Variants in VAC14 observed in about 807,000 individuals in gnomAD.
The protein encoded by VAC14 is VAC14 component of PIKFYVE complex, also known as protein VAC14 homolog.
A neutral mutation model predicts 85.3 loss-of-function variants in VAC14; 47 were observed. The ratio of observed to expected loss-of-function variants is 0.55; its 90% confidence interval spans 0.44 to 0.70. The LOEUF is 0.70. Among genes scored for constraint, VAC14 ranks in the 30% least tolerant of loss-of-function variants. The pLI, the probability that VAC14 is intolerant of heterozygous loss-of-function variation, is 0.00. For missense variants in VAC14, 861 were observed against 1,004.3 expected, an observed-to-expected ratio of 0.86 and a Z score of 1.93; for synonymous variants, 447 against 430.5, an observed-to-expected ratio of 1.04 and a Z score of -0.47.
At chr16:70,699,294 C>T (rs1225496524) in intron 14 of VAC14, 1 of 187,126 alleles carries the variant, frequency 5.3e-6, no homozygotes, top group Non-Finnish European at 1.1e-5. Context: ...TGGAAGCCCC[C>T]GAGGTCAGGG....
At chr16:70,713,046 C>A (rs984349666) in intron 14 of VAC14, among the ~76,000 whole-genome samples, 20 of 152,168 alleles carry the variant, frequency 1.3e-4, no homozygotes, top group African/African-American at 4.6e-4. Flanking sequence ...GTATTTTTAG[C>A]TACGGTGGCT....
rs1299201401 is a variant in VAC14, at chr16:70,762,537, T to C, written c.1371+3A>G. 3 of 1,613,934 alleles carry C rather than the reference T, an allele frequency of 1.9e-6. No individual in the cohort carries two copies. In the African/African-American group the frequency reaches 4.0e-5, roughly 22 times the overall value. ...ATAAGTACGGGTGGCGTTGGTGACC[T>C]ACCTCATCCGATTCATCCGATAACG... is the stretch of plus-strand genomic sequence containing the variant. On this transcript the variant is annotated splice_donor_region_variant and intron_variant, in intron 12 of 18. Coordinates refer to ENST00000261776, the MANE Select transcript of VAC14 (RefSeq NM_018052.5). The surrounding 1 kb of genome is among the most constrained non-coding windows in gnomAD (Gnocchi z 4.1).
chr16:70,729,553 GC>G (rs1198708665), intron 14 of VAC14, among the ~76,000 whole-genome samples: 2 of 152,062 alleles, frequency 1.3e-5, no homozygotes, highest in Non-Finnish European at 2.9e-5. Context: ...GCGGCTCGCA[GC>G]AGACCATCCC....
intron 5 of VAC14, among the ~76,000 whole-genome samples, 179 bp downstream of exon 5, chr16:70,783,934 G>A (rs2143264539): frequency 6.6e-6 from 1 of 152,320 alleles, no homozygotes; most frequent in African/African-American, 2.4e-5. Context: ...TCCCTTCAGG[G>A]CCAACATGGT....
chr16:70,765,095 C>A lies in VAC14; in HGVS notation c.1161-2070G>T, dbSNP rs571085930. Among the ~76,000 whole-genome samples, 8 of 152,278 alleles carry A rather than the reference C, an allele frequency of 5.3e-5. No individual in the cohort carries two copies. The East Asian group carries it at 1.5e-3, about 29-fold the overall frequency. ...AGCAGGTGAACAGAAGCCACCCCCA[C>A]CCCAACCTGGTCTTTCCTGACCCTG... On this transcript the variant is annotated intron_variant, in intron 10 of 18. Coordinates refer to ENST00000261776, the MANE Select transcript of VAC14 (RefSeq NM_018052.5).
At chr16:70,744,161 C>T (rs1160397337) in intron 13 of VAC14, among the ~76,000 whole-genome samples, 2 of 152,120 alleles carry the variant, frequency 1.3e-5, no homozygotes, top group African/African-American at 4.8e-5. Context: ...TTATGTTTAG[C>T]CAATGGCTCA....
At position 70,731,609 on chromosome 16, in the gene VAC14, C is replaced by T; in HGVS notation, c.1547G>A (p.Cys516Tyr). 1.2e-6 allele frequency: 2 copies of T among 1,614,038 alleles called. No homozygotes were observed. The highest frequency in any genetic ancestry group is 1.7e-6 in the Non-Finnish European group (2 of 1,180,008). The change falls in exon 14 of 19, where the codon TGT (cysteine) becomes TAT (tyrosine). Residue 516 changes from cysteine (C) to tyrosine (Y), a missense_variant. Around this residue, in one of 3 missense-constraint regions of VAC14, gnomAD observed 629 missense variants for 703.1 expected, o/e 0.89. Transcript: ENST00000261776. Reference protein sequence around the residue: ...LNTSGTKGLECSPSTPTMNSY... With the variant: ...LNTSGTKGLEYSPSTPTMNSY... ...ATTCATGGTGGGAGTTGAAGGAGAA[C>T]ATTCTAAGCCTTTGGTACCTGTAGA...
At chr16:70,704,917 C>G (rs936301) in intron 14 of VAC14, among the ~76,000 whole-genome samples, 84,657 of 152,082 alleles carry the variant, frequency 0.56, 24,050 homozygotes, top group African/African-American at 0.63. Context: ...TGGCTTCAGG[C>G]AAGACATGAA....
rs2053688362 is a variant in VAC14 at position 70,695,540 on chromosome 16, T to C, written c.2035+4A>G. 1 of 1,613,874 alleles carries C rather than the reference T, an allele frequency of 6.2e-7. No individual in the cohort carries two copies. Among genetic ancestry groups the C allele is most frequent in the Non-Finnish European group, 8.5e-7 (1 of 1,179,850 alleles). Reference sequence around the variant, plus strand: ...CGCGAGGTGTGGTGGGAGGTGGTTCTTACATGTGAAGATGGGGCACTCAAT... The same window carrying C: ...CGCGAGGTGTGGTGGGAGGTGGTTCCTACATGTGAAGATGGGGCACTCAAT... On this transcript the variant is annotated splice_donor_region_variant and intron_variant, in intron 17 of 18. Transcript: ENST00000261776.
chr16:70,777,076 G>A (rs1394198227), intron 9 of VAC14, among the ~76,000 whole-genome samples: 1 of 150,600 alleles, frequency 6.6e-6, no homozygotes, highest in Non-Finnish European at 1.5e-5. Flanking sequence ...CAAAGTGCTG[G>A]GATTACAGGT....
intron 1 of VAC14, among the ~76,000 whole-genome samples, chr16:70,794,704 C>A (rs1428530888): frequency 6.6e-6 from 1 of 152,222 alleles, no homozygotes; most frequent in African/African-American, 2.4e-5. Flanking sequence ...GTGATCCAGG[C>A]CAAACCAAAC....
chr16:70,768,802 A>T (rs1567586962), intron 10 of VAC14: 1 of 453,528 alleles, frequency 2.2e-6, no homozygotes, highest in Admixed American at 2.4e-5. Flanking sequence ...GTGGATGTGC[A>T]TTTTTTTGGT....
intron 17 of VAC14, among the ~76,000 whole-genome samples, chr16:70,694,127 G>C (rs1429476555): frequency 6.6e-6 from 1 of 152,228 alleles, no homozygotes; most frequent in Admixed American, 6.5e-5. Context: ...TGTTGGGCGA[G>C]ACCAGGGTGT....
In VAC14 at chr16:70,698,703, G is replaced by A. The variant is rs1007462378; in HGVS notation, c.1770C>T (p.Asn590=). The A allele has an allele frequency of 3.7e-6, 6 of 1,614,214 alleles. No homozygotes were observed. The Admixed American group carries it at 6.7e-5, about 18-fold the overall frequency. The change falls in exon 15 of 19, where the codon AAC becomes AAT. Residue 590 remains asparagine (N), a synonymous_variant. Transcript: ENST00000261776. ...GCTCTGTGGAGGTCAGCAGGATGGT[G>A]TTGAGGGCGTGGACCATGGTCGAGG... ...KFASTMVHAL[N]TILLTSTELF...
At chr16:70,797,709 G>A (rs1003330034) in intron 1 of VAC14, among the ~76,000 whole-genome samples, 2 of 152,142 alleles carry the variant, frequency 1.3e-5, no homozygotes, top group Non-Finnish European at 2.9e-5. Flanking sequence ...CTGGATCATG[G>A]GGGTGGATTT....
chr16:70,721,154 G>A (rs2054281723), intron 14 of VAC14, among the ~76,000 whole-genome samples: 1 of 152,228 alleles, frequency 6.6e-6, no homozygotes. Context: ...TCCTGGGAGA[G>A]TATGCCGGCT....
chr16:70,767,098 C>T (rs989760852), intron 10 of VAC14, among the ~76,000 whole-genome samples: 1 of 152,190 alleles, frequency 6.6e-6, no homozygotes, highest in Non-Finnish European at 1.5e-5. Flanking sequence ...CTGCAAAATT[C>T]CATTTTCATG....
Position 70,800,512 on chromosome 16 carries a change from G to A in VAC14, c.104+285C>T, listed in dbSNP as rs577613842. Among the ~76,000 whole-genome samples the A allele has an allele frequency of 9.2e-5, 14 of 152,284 alleles. No homozygotes were observed. The South Asian group carries it at 1.7e-3, about 18-fold the overall frequency. ...TGGCACCGCACCGAAGACTCACCAT[G>A]TGCCATGCACTGTGCAAAGCACTAC... is the stretch of plus-strand genomic sequence containing the variant. On this transcript the variant is annotated intron_variant, in intron 1 of 18. Transcript: ENST00000261776.
chr16:70,700,489 T>C (rs1377149094), intron 14 of VAC14, among the ~76,000 whole-genome samples: 2 of 152,122 alleles, frequency 1.3e-5, no homozygotes, highest in African/African-American at 4.8e-5. Flanking sequence ...CCACCTTAAT[T>C]AGGGGCAATA....
Sources: gnomAD v4.1 joint callset for allele counts (sites outside exome capture counted in the v4.1 genomes callset) on GRCh38, gnomAD v4.1.1 for gene constraint, gnomAD v4.1.1 regional missense constraint, Gnocchi (gnomAD v3.1) non-coding constraint, MANE v1.5 for transcripts, NCBI Gene and HGNC (gene_info 2026-07-23, HGNC 2026-07-21) for gene names.